The following NEMP2 variants were observed in gnomAD, a reference collection of about 807,000 sequenced individuals.
NEMP2 encodes the protein UPF0571 transmembrane protein.
NEMP2 carries 53 observed loss-of-function variants against 54.2 expected under a neutral mutation model. The observed-to-expected ratio is 0.98, with a 90% CI of 0.78 to 1.23. NEMP2 has a LOEUF of 1.23. NEMP2 is among the 50% of genes most tolerant of loss of function. The pLI is 0.00. For missense variants in NEMP2, 455 were observed against 511.3 expected, an observed-to-expected ratio of 0.89 and a Z score of 1.06; for synonymous variants, 197 against 190.3, an observed-to-expected ratio of 1.04 and a Z score of -0.29.
At chr2:190,577,618 G>A in the NEMP2 span, among the ~76,000 whole-genome samples, 5 of 152,218 alleles carry the variant, frequency 3.3e-5, no homozygotes, top group African/African-American at 1.2e-4. The surrounding 1 kb of genome is among the most constrained non-coding windows in gnomAD (Gnocchi z 4.8). Context: ...GCTCACACCT[G>A]TAATCCCAGC....
chr2:190,438,215 T>TA, the NEMP2 span, among the ~76,000 whole-genome samples: 133,121 of 148,968 alleles, frequency 0.89, 59,767 homozygotes, highest in East Asian at 0.98. The surrounding 1 kb of genome is among the most constrained non-coding windows in gnomAD (Gnocchi z 5.2). Context: ...CTTTTAGTTA[T>TA]AAAAAAAAAA....
chr2:190,478,273 T>A, the NEMP2 span, among the ~76,000 whole-genome samples: 2 of 152,176 alleles, frequency 1.3e-5, no homozygotes, highest in Admixed American at 1.3e-4. Flanking sequence ...AGCCTCCTAG[T>A]GCAACAGAGG....
At chr2:190,484,651 T>A in the NEMP2 span, among the ~76,000 whole-genome samples, 5 of 152,220 alleles carry the variant, frequency 3.3e-5, no homozygotes, top group Admixed American at 3.3e-4. Flanking sequence ...GAAAGTTGCA[T>A]GTTCCAGTTT....
the NEMP2 span, among the ~76,000 whole-genome samples, chr2:190,556,591 G>C: frequency 7.9e-5 from 12 of 152,148 alleles, no homozygotes; most frequent in Non-Finnish European, 1.6e-4. Context: ...CATTGTCTCA[G>C]CCCAAAATCT....
chr2:190,459,062 A>G, the NEMP2 span, among the ~76,000 whole-genome samples: 2 of 152,174 alleles, frequency 1.3e-5, no homozygotes, highest in African/African-American at 4.8e-5. This position sits in a 1 kb window ranked among gnomAD's most constrained non-coding sequence, Gnocchi z 5.3. Context: ...CCCATCCTTG[A>G]GTCTCACCTG....
the NEMP2 span, among the ~76,000 whole-genome samples, chr2:190,632,263 C>T: frequency 6.6e-6 from 1 of 152,188 alleles, no homozygotes; most frequent in Non-Finnish European, 1.5e-5. The surrounding 1 kb of genome is among the most constrained non-coding windows in gnomAD (Gnocchi z 4.8). Context: ...GGCAAATGCC[C>T]TTGCTGCATC....
At chr2:190,452,194 G>A in the NEMP2 span, among the ~76,000 whole-genome samples, 215 of 152,026 alleles carry the variant, frequency 1.4e-3, no homozygotes, top group Non-Finnish European at 1.7e-3. Context: ...AGTGGACGTT[G>A]CAGTGAGCCG....
chr2:190,626,506 T>C, the NEMP2 span: 1 of 152,134 alleles, frequency 6.6e-6, no homozygotes, highest in African/African-American at 2.4e-5. This position sits in a 1 kb window ranked among gnomAD's most constrained non-coding sequence, Gnocchi z 4.5. Context: ...TGTATAGTAA[T>C]TTTGGGTAGT....
At chr2:190,481,590 C>T in the NEMP2 span, among the ~76,000 whole-genome samples, 3 of 152,202 alleles carry the variant, frequency 2.0e-5, no homozygotes, top group Non-Finnish European at 4.4e-5. Context: ...AAATCCTGCC[C>T]CCTTTCACCT....
rs1321541521 is a variant in NEMP2 at position 190,522,039 on chromosome 2, C to T, written c.214-2856G>A. On this transcript the variant is annotated intron_variant, in intron 2 of 8. Transcript: ENST00000409150. The surrounding 1 kb of genome is among the most constrained non-coding windows in gnomAD (Gnocchi z 5.0). Reference sequence around the variant, plus strand: ...CACAGGAAAGATATACCAGAAACTACTTAAACTGATTGTCTACAAGGGTTG... The same window carrying T: ...CACAGGAAAGATATACCAGAAACTATTTAAACTGATTGTCTACAAGGGTTG... Among the ~76,000 whole-genome samples, 1 of 152,132 alleles carries T rather than the reference C, an allele frequency of 6.6e-6. No homozygotes were observed. Among genetic ancestry groups the T allele is most frequent in the Non-Finnish European group, 1.5e-5 (1 of 68,034 alleles).
chr2:190,448,978 A>G, the NEMP2 span, among the ~76,000 whole-genome samples: 4 of 152,358 alleles, frequency 2.6e-5, no homozygotes, highest in Admixed American at 1.3e-4. Context: ...GTGCATAGTT[A>G]TAGCTGTATA....
chr2:190,630,865 G>T, the NEMP2 span, among the ~76,000 whole-genome samples: 1 of 151,578 alleles, frequency 6.6e-6, no homozygotes, highest in South Asian at 2.1e-4. The surrounding 1 kb of genome is among the most constrained non-coding windows in gnomAD (Gnocchi z 5.5). Flanking sequence ...AGTGTTGTTC[G>T]AGAAATCATA....
the NEMP2 span, among the ~76,000 whole-genome samples, chr2:190,467,998 T>C: frequency 2.0e-5 from 3 of 152,166 alleles, no homozygotes; most frequent in African/African-American, 7.2e-5. This position sits in a 1 kb window ranked among gnomAD's most constrained non-coding sequence, Gnocchi z 5.5. Context: ...TGAGTTAGGG[T>C]AAAGAGAGGC....
chr2:190,555,209 G>A, the NEMP2 span, among the ~76,000 whole-genome samples: 1 of 152,070 alleles, frequency 6.6e-6, no homozygotes, highest in Admixed American at 6.6e-5. The surrounding 1 kb of genome is among the most constrained non-coding windows in gnomAD (Gnocchi z 4.8). Flanking sequence ...CACAAAGATG[G>A]GGAAAAACCA....
Position 190,523,346 on chromosome 2 carries a change from C to G in NEMP2, c.213+1917G>C, listed in dbSNP as rs1690817754. ...GTATGACTTACCAATTCTGTAACTA[C>G]TTTTAGTGTATTCTGGGATTAGGCA... On this transcript the variant is annotated intron_variant, in intron 2 of 8. Transcript: ENST00000409150. The surrounding 1 kb of genome is among the most constrained non-coding windows in gnomAD (Gnocchi z 5.3). 2.0e-5 allele frequency among the ~76,000 whole-genome samples: 3 copies of G among 152,106 alleles called. No homozygotes were observed. The South Asian group carries it at 6.2e-4, about 32-fold the overall frequency.
At chr2:190,561,511 A>C in the NEMP2 span, among the ~76,000 whole-genome samples, 2 of 152,092 alleles carry the variant, frequency 1.3e-5, no homozygotes, top group Non-Finnish European at 2.9e-5. The surrounding 1 kb of genome is among the most constrained non-coding windows in gnomAD (Gnocchi z 5.4). Context: ...TCTATGTCCT[A>C]ATTATAAGGA....
chr2:190,424,266 T>G, the NEMP2 span, among the ~76,000 whole-genome samples: 1 of 151,968 alleles, frequency 6.6e-6, no homozygotes, highest in Non-Finnish European at 1.5e-5. The surrounding 1 kb of genome is among the most constrained non-coding windows in gnomAD (Gnocchi z 5.9). Context: ...TTTTATAGTT[T>G]CAAATTGTAT....
chr2:190,608,097 C>G, the NEMP2 span: 3 of 152,198 alleles, frequency 2.0e-5, no homozygotes, highest in Non-Finnish European at 2.9e-5. The surrounding 1 kb of genome is among the most constrained non-coding windows in gnomAD (Gnocchi z 4.9). Flanking sequence ...TCTGTCCCAC[C>G]CAGGATGTGA....
the NEMP2 span, among the ~76,000 whole-genome samples, chr2:190,598,346 G>C: frequency 6.6e-6 from 1 of 152,188 alleles, no homozygotes; most frequent in Non-Finnish European, 1.5e-5. Context: ...TCTACTTATG[G>C]AAGTTACTCA....
Sources: allele counts gnomAD v4.1 joint callset (sites outside exome capture counted in the v4.1 genomes callset), GRCh38; gene constraint gnomAD v4.1.1; non-coding constraint Gnocchi (gnomAD v3.1); transcripts MANE v1.5; gene names NCBI Gene and HGNC (gene_info 2026-07-23, HGNC 2026-07-21).